Variants in CLVS2 observed in about 807,000 individuals in gnomAD.
CLVS2 encodes clavesin-2.
In CLVS2, 19 loss-of-function variants were observed where a neutral mutation model predicts 29.0. The ratio of observed to expected loss-of-function variants is 0.66; its 90% CI spans 0.46 to 0.96. The LOEUF (loss-of-function observed/expected upper bound fraction) is 0.96. Ranked by LOEUF, CLVS2 falls within the 40% of genes least tolerant of loss-of-function variation. The pLI, the probability that CLVS2 is intolerant of heterozygous loss-of-function variation, is 0.00. For missense variants in CLVS2, 294 were observed against 404.1 expected (o/e 0.73, Z 2.34); for synonymous variants, 161 against 151.3 (o/e 1.06, Z -0.47).
chr6:123,043,155 C>T (rs1775258974), intron 3 of CLVS2, among the ~76,000 whole-genome samples: 1 of 152,052 alleles, frequency 6.6e-6, no homozygotes, highest in African/African-American at 2.4e-5. Flanking sequence ...ATCATAATTC[C>T]AGACAGGTAC....
intron 5 of CLVS2, among the ~76,000 whole-genome samples, chr6:123,058,676 G>T (rs1241759952): frequency 6.6e-6 from 1 of 151,832 alleles, no homozygotes; most frequent in Non-Finnish European, 1.5e-5. Context: ...TTTGAGGCAG[G>T]TTCTCTTTGT....
At chr6:123,010,773 C>T (rs1305553400) in intron 2 of CLVS2, among the ~76,000 whole-genome samples, 2 of 151,890 alleles carry the variant, frequency 1.3e-5, no homozygotes, top group African/African-American at 2.4e-5. Context: ...AAAGCGTTTC[C>T]ATTTGTTTGG....
intron 5 of CLVS2, among the ~76,000 whole-genome samples, chr6:123,057,703 G>A (rs547940062): frequency 1.3e-5 from 2 of 152,178 alleles, no homozygotes; most frequent in African/African-American, 4.8e-5. Context: ...TGTGTGCATT[G>A]ATTTCCTCTC....
At chr6:123,057,165 A>C (rs918536817) in intron 5 of CLVS2, among the ~76,000 whole-genome samples, 1 of 152,074 alleles carries the variant, frequency 6.6e-6, no homozygotes, top group Non-Finnish European at 1.5e-5. Flanking sequence ...TCACAGAAGT[A>C]TGGGCACCGT....
intron 3 of CLVS2, among the ~76,000 whole-genome samples, chr6:123,034,217 C>T (rs114745563): frequency 0.019 from 2,908 of 152,080 alleles, 99 homozygotes; most frequent in African/African-American, 0.067. Context: ...ACATCTAATG[C>T]AGAGAAATGA....
intron 3 of CLVS2, among the ~76,000 whole-genome samples, chr6:123,048,366 C>T (rs765432463): frequency 7.9e-5 from 12 of 152,116 alleles, no homozygotes; most frequent in Admixed American, 2.6e-4. Context: ...GCTTAAACTA[C>T]GACCCTCTTA....
chr6:122,997,180 C>A lies in CLVS2; in HGVS notation c.-559-39C>A, dbSNP rs902338295. On this transcript the variant is annotated intron_variant, in intron 1 of 5. Coordinates refer to ENST00000275162, the MANE Select transcript of CLVS2 (RefSeq NM_001010852.4). ...ACAGGGAGAAATAATCTCCTTTCTCCCCCCTCTTTCTCTCTGTCTCTTTTT... is the reference window on the plus strand; with the variant it reads ...ACAGGGAGAAATAATCTCCTTTCTCACCCCTCTTTCTCTCTGTCTCTTTTT... 3 of 167,450 alleles carry A rather than the reference C, an allele frequency of 1.8e-5. No homozygotes were observed. In the Admixed American group the frequency reaches 2.0e-4, roughly 11 times the overall value. The allele number at this position is 167,450 out of a possible 1,614,324, so 10.4% of individuals were successfully genotyped here.
chr6:123,011,958 A>G (rs1455642535), intron 3 of CLVS2, among the ~76,000 whole-genome samples: 2 of 152,058 alleles, frequency 1.3e-5, no homozygotes, highest in African/African-American at 4.8e-5. Flanking sequence ...AGCCCAAGTC[A>G]TCTAGATTTT....
At chr6:123,036,415 T>A (rs1183922303) in intron 3 of CLVS2, among the ~76,000 whole-genome samples, 6 of 152,190 alleles carry the variant, frequency 3.9e-5, no homozygotes, top group Admixed American at 1.3e-4. Context: ...TTTTTTGTAA[T>A]AAATCCAAGA....
chr6:123,052,055 CT>C, intron 4 of CLVS2, among the ~76,000 whole-genome samples: 1 of 151,870 alleles, frequency 6.6e-6, no homozygotes, highest in Non-Finnish European at 1.5e-5. Context: ...CAAATCTTGG[CT>C]TTGGAGAAAT....
intron 2 of CLVS2, among the ~76,000 whole-genome samples, chr6:123,004,183 G>C (rs148856348): frequency 7.9e-5 from 12 of 152,278 alleles, no homozygotes; most frequent in African/African-American, 2.9e-4. Context: ...ACTTGGCCCT[G>C]ATAAAAATAA....
At chr6:123,022,706 A>G (rs539706062) in intron 3 of CLVS2, among the ~76,000 whole-genome samples, 1 of 152,176 alleles carries the variant, frequency 6.6e-6, no homozygotes, top group South Asian at 2.1e-4. Flanking sequence ...GCCTTGAACT[A>G]AGACTCTTAA....
chr6:123,017,141 A>G (rs1203625009), intron 3 of CLVS2, among the ~76,000 whole-genome samples: 1 of 151,890 alleles, frequency 6.6e-6, no homozygotes, highest in Admixed American at 6.6e-5. Flanking sequence ...GGGAGAGTGT[A>G]GAAAAGAACT....
In CLVS2 at chr6:123,003,958, T is replaced by TTG. The variant is rs536683839; in HGVS notation, c.389+5806_389+5807dup. Reference sequence around the variant, plus strand: ...AACTGGTAAGTGAATTAGTCGCTTTTTGTGTGTGTGTGTGTAGACAGTTAC... The same window carrying TTG: ...AACTGGTAAGTGAATTAGTCGCTTTTTGTGTGTGTGTGTGTGTAGACAGTTAC... On this transcript the variant is annotated intron_variant, in intron 2 of 5. Coordinates refer to ENST00000275162, the MANE Select transcript of CLVS2 (RefSeq NM_001010852.4). Among the ~76,000 whole-genome samples, 1,236 of 152,012 alleles carry TTG rather than the reference T, an allele frequency of 8.1e-3. 10 individuals are homozygous for TTG. Among genetic ancestry groups the TTG allele is most frequent in the Non-Finnish European group, 0.011 (752 of 67,940 alleles).
chr6:123,035,089 C>A (rs867124577), intron 3 of CLVS2, among the ~76,000 whole-genome samples: 2 of 152,022 alleles, frequency 1.3e-5, no homozygotes, highest in Admixed American at 1.3e-4. Flanking sequence ...CTTCAGAAAG[C>A]ATTTTTGTTT....
intron 3 of CLVS2, among the ~76,000 whole-genome samples, chr6:123,016,916 GTC>G (rs1774843335): frequency 6.6e-6 from 1 of 152,048 alleles, no homozygotes; most frequent in Non-Finnish European, 1.5e-5. Flanking sequence ...TGGAAGCCCA[GTC>G]CTACCTAGGG....
intron 4 of CLVS2, among the ~76,000 whole-genome samples, chr6:123,051,637 A>G (rs1441908556): frequency 2.0e-5 from 3 of 152,180 alleles, no homozygotes; most frequent in Non-Finnish European, 4.4e-5. Context: ...AATATGGCCA[A>G]TGTTGTCTTC....
chr6:123,010,875 A>T, intron 2 of CLVS2, 110 bp from the exon 3 acceptor site: 1 of 638,084 alleles, frequency 1.6e-6, no homozygotes, highest in Non-Finnish European at 2.5e-6. Context: ...TTATTTCCTT[A>T]AGATTCTGAA....
chr6:123,018,343 G>A (rs1185968431), intron 3 of CLVS2, among the ~76,000 whole-genome samples: 6 of 151,964 alleles, frequency 3.9e-5, no homozygotes, highest in African/African-American at 7.2e-5. Flanking sequence ...ACTCCAAAAT[G>A]TGAACATCAA....
Sources: allele counts gnomAD v4.1 joint callset (sites outside exome capture counted in the v4.1 genomes callset), GRCh38; gene constraint gnomAD v4.1.1; transcripts MANE v1.5; gene names NCBI Gene and HGNC (gene_info 2026-07-23, HGNC 2026-07-21).